Variants in LOC128125822 observed in about 807,000 individuals in gnomAD.
the LOC128125822 span, chr6:63,572,766 C>G: frequency 2.5e-6 from 1 of 398,290 alleles, no homozygotes. Flanking sequence ...AATCCACGAC[C>G]GGCCCCCCAT....
chr6:63,576,510 C>T, the LOC128125822 span: 4 of 404,632 alleles, frequency 9.9e-6, no homozygotes, highest in Middle Eastern at 1.2e-3. Flanking sequence ...AGGCACAGCA[C>T]GACCTCTATG....
At chr6:63,579,097 A>G in the LOC128125822 span, 995 of 1,436,740 alleles carry the variant, frequency 6.9e-4, 5 homozygotes, top group African/African-American at 0.012. Flanking sequence ...AACTTGAAAA[A>G]TTCTTATAAT....
chr6:63,573,911 C>T, the LOC128125822 span, among the ~76,000 whole-genome samples: 1 of 152,130 alleles, frequency 6.6e-6, no homozygotes, highest in Admixed American at 6.5e-5. Flanking sequence ...TTAGAACTAT[C>T]CCTGAGCTCT....
At chr6:63,580,203 G>A in the LOC128125822 span, 1 of 1,522,880 alleles carries the variant, frequency 6.6e-7, no homozygotes, top group Non-Finnish European at 9.1e-7. Flanking sequence ...TACTGGAAGT[G>A]GAACTTGAGA....
the LOC128125822 span, chr6:63,572,543 C>T: frequency 2.8e-5 from 11 of 396,340 alleles, no homozygotes; most frequent in Non-Finnish European, 4.9e-5. Flanking sequence ...CTGCTCCGAG[C>T]CGCTCACTGC....
chr6:63,576,554 C>G, the LOC128125822 span: 2 of 443,380 alleles, frequency 4.5e-6, no homozygotes, highest in African/African-American at 4.1e-5. Flanking sequence ...GATTACTGCT[C>G]CACCAAGAAG....
chr6:63,576,574 G>T, the LOC128125822 span: 1 of 453,346 alleles, frequency 2.2e-6, no homozygotes, highest in Admixed American at 4.0e-5. Context: ...GCCCCCATAA[G>T]AGTGGTTATC....
the LOC128125822 span, chr6:63,572,538 C>T: frequency 1.5e-5 from 6 of 396,364 alleles, no homozygotes; most frequent in East Asian, 1.1e-4. Flanking sequence ...GCGCTCTGCT[C>T]CGAGCCGCTC....
chr6:63,576,576 G>A, the LOC128125822 span: 4 of 453,902 alleles, frequency 8.8e-6, no homozygotes, highest in Non-Finnish European at 1.5e-5. Flanking sequence ...CCCCATAAGA[G>A]TGGTTATCCT....
At chr6:63,572,975 C>T in the LOC128125822 span, among the ~76,000 whole-genome samples, 1 of 152,142 alleles carries the variant, frequency 6.6e-6, no homozygotes, top group Non-Finnish European at 1.5e-5. Flanking sequence ...TTTTGAGTCC[C>T]TCCCGAGCCC....
chr6:63,578,464 A>C, the LOC128125822 span: 1 of 1,609,650 alleles, frequency 6.2e-7, no homozygotes, highest in South Asian at 1.1e-5. Flanking sequence ...AGTTACCACA[A>C]TAGTAAGAGT....
the LOC128125822 span, chr6:63,578,380 T>C: frequency 6.5e-7 from 1 of 1,532,152 alleles, no homozygotes; most frequent in South Asian, 1.3e-5. Context: ...ATATAAAATG[T>C]TGAGTTATAG....
chr6:63,573,724 G>C, the LOC128125822 span: 1 of 152,256 alleles, frequency 6.6e-6, no homozygotes, highest in African/African-American at 2.4e-5. Context: ...AACAAGTCTA[G>C]TCTTGTCCTT....
chr6:63,579,512 A>C, the LOC128125822 span, among the ~76,000 whole-genome samples: 2 of 152,250 alleles, frequency 1.3e-5, no homozygotes, highest in Admixed American at 6.5e-5. Context: ...TATTACTAAG[A>C]TTCTAATCCA....
the LOC128125822 span, among the ~76,000 whole-genome samples, chr6:63,577,213 A>G: frequency 1.3e-5 from 2 of 152,164 alleles, no homozygotes; most frequent in Non-Finnish European, 2.9e-5. Context: ...TTGAATTGGT[A>G]TGTGGACAGT....
the LOC128125822 span, chr6:63,577,066 T>C: frequency 9.0e-7 from 1 of 1,112,714 alleles, no homozygotes; most frequent in South Asian, 1.4e-5. Context: ...AAAAACTACT[T>C]TGGAAAAAAT....
the LOC128125822 span, chr6:63,583,325 T>C: frequency 6.6e-6 from 1 of 152,240 alleles, no homozygotes; most frequent in African/African-American, 2.4e-5. Flanking sequence ...TATGTTTGTG[T>C]GTATATATGT....
chr6:63,583,574 G>C, the LOC128125822 span: 14 of 152,164 alleles, frequency 9.2e-5, no homozygotes, highest in Non-Finnish European at 1.5e-4. Context: ...TTAATAAATT[G>C]ATAGCTACCA....
the LOC128125822 span, among the ~76,000 whole-genome samples, chr6:63,572,964 C>T: frequency 1.3e-5 from 2 of 152,094 alleles, no homozygotes; most frequent in South Asian, 2.1e-4. Context: ...GAGGCACCGG[C>T]TTTTGAGTCC....
Sources: gnomAD v4.1 joint callset for allele counts (sites outside exome capture counted in the v4.1 genomes callset) on GRCh38, gnomAD v4.1.1 for gene constraint, MANE v1.5 for transcripts.